PIGM: variants seen among roughly 807,000 people sequenced by gnomAD.
PIGM encodes the protein phosphatidylinositol glycan anchor biosynthesis class M, also known as GPI alpha-1,4-mannosyltransferase I, catalytic subunit.
PIGM carries 7 observed loss-of-function variants against 14.6 expected under a neutral mutation model. The observed-to-expected ratio is 0.48, with a 90% CI of 0.27 to 0.90. PIGM has a LOEUF of 0.90. Among genes scored for constraint, PIGM ranks in the 40% least tolerant of loss-of-function variants. PIGM has a pLI of 0.12. For synonymous variants in PIGM, 216 were observed against 215.9 expected, an observed-to-expected ratio of 1.00 and a Z score of 0.00; for missense variants, 506 against 516.2, an observed-to-expected ratio of 0.98 and a Z score of 0.19.
At position 160,031,567 on chromosome 1, in the gene PIGM, G is replaced by A. The variant is rs139166506; in HGVS notation, c.173C>T (p.Ala58Val). 2 of 1,614,104 alleles carry A rather than the reference G, an allele frequency of 1.2e-6. No homozygotes were observed. Among genetic ancestry groups the A allele is most frequent in the Non-Finnish European group, 1.7e-6 (2 of 1,180,046 alleles). Residue 58 changes from alanine to valine, a missense_variant, in exon 1 of 1, where the codon GCC becomes GTC. Coordinates refer to ENST00000368090, the MANE Select transcript of PIGM (RefSeq NM_145167.3). ...GCGCCCCTCCGTGACGAAGCGCGCGGCGTCGGTGAAGACCTGGTAGTCGAT... is the reference window on the plus strand; with the variant it reads ...GCGCCCCTCCGTGACGAAGCGCGCGACGTCGGTGAAGACCTGGTAGTCGAT... ...TDIDYQVFTD[A>V]ARFVTEGRSP...
Position 160,031,384 on chromosome 1 carries a change from A to C in PIGM, c.356T>G (p.Leu119Arg). 1 of 1,607,514 alleles carries C rather than the reference A, an allele frequency of 6.2e-7. No homozygotes were observed. The highest frequency in any genetic ancestry group is 8.5e-7 in the Non-Finnish European group (1 of 1,175,020). The change falls in exon 1 of 1, where the codon CTG (leucine) becomes CGG (arginine). Residue 119 changes from leucine (L) to arginine (R), a missense_variant. Leu to Arg is a moderately radical substitution (Grantham distance 102). Transcript: ENST00000368090. ...LLYRLLLLKG[L>R]GRRQACGYCV... ...GTAGCCACAAGCCTGGCGGCGCCCC[A>C]GCCCCTTCAGCAGCAGCAGGCGGTA...
rs148134581 is a variant in PIGM at position 160,031,609 on chromosome 1, T to C, written c.131A>G (p.His44Arg). The change falls in exon 1 of 1, where the codon CAC (histidine) becomes CGC (arginine). Residue 44 changes from histidine to arginine, a missense_variant. Coordinates refer to ENST00000368090, the MANE Select transcript of PIGM (RefSeq NM_145167.3). ...GTAGTCGATGTCCGTATACCTCACG[T>C]GCAGGGTCCGGTCCTGGAAGACGCC... ...FYGVFQDRTLHVRYTDIDYQV... is the reference protein window; with the variant it reads ...FYGVFQDRTLRVRYTDIDYQV... 3.7e-6 allele frequency: 6 copies of C among 1,613,946 alleles called. No individual in the cohort carries two copies. The highest frequency in any genetic ancestry group is 4.2e-6 in the Non-Finnish European group (5 of 1,180,022).
chr1:160,026,313 A>C lies in PIGM; in HGVS notation c.*4155T>G, dbSNP rs896646626. 14 of 152,238 alleles carry C rather than the reference A, an allele frequency of 9.2e-5. No individual in the cohort carries two copies. The highest frequency in any genetic ancestry group is 9.2e-4 in the Admixed American group (14 of 15,282). The allele number at this position is 152,238 out of a possible 1,614,324, so 9.4% of individuals were successfully genotyped here. On this transcript the variant is annotated 3_prime_UTR_variant, in exon 1 of 1. Coordinates refer to ENST00000368090, the MANE Select transcript of PIGM (RefSeq NM_145167.3). Reference sequence around the variant, plus strand: ...AAGATGTAACAAAAAACACCTGAAGAAATTTGAAAATGACAGAATGTTAAA... The same window carrying C: ...AAGATGTAACAAAAAACACCTGAAGCAATTTGAAAATGACAGAATGTTAAA...
At position 160,031,254 on chromosome 1, in the gene PIGM, C is replaced by A; in HGVS notation, c.486G>T (p.Lys162Asn). 1 of 1,614,156 alleles carries A rather than the reference C, an allele frequency of 6.2e-7. No individual in the cohort carries two copies. Among genetic ancestry groups the A allele is most frequent in the Non-Finnish European group, 8.5e-7 (1 of 1,180,030 alleles). The change falls in exon 1 of 1, where the codon AAG becomes AAT. Residue 162 changes from lysine to asparagine, a missense_variant. Physicochemically the swap from Lys to Asn is moderately conservative, Grantham distance 94 (BLOSUM62 0). Coordinates refer to ENST00000368090, the MANE Select transcript of PIGM (RefSeq NM_145167.3). ...SLVLMVLYLI[K>N]KRLVACAAVF... is the part of the protein sequence containing the mutation. ...CAGCTGCACACGCGACGAGTCTTTT[C>A]TTTATCAAGTAGAGGACCATCAGGA... is the stretch of plus-strand genomic sequence containing the variant.
chr1:160,028,333 G>A lies in PIGM; in HGVS notation c.*2135C>T, dbSNP rs1648230770. The A allele has an allele frequency of 6.6e-6, 1 of 151,860 alleles. No homozygotes were observed. Among genetic ancestry groups the A allele is most frequent in the Non-Finnish European group, 1.5e-5 (1 of 67,962 alleles). 9.4% of individuals were successfully genotyped at this position (151,860 alleles called of 1,614,324 possible). On this transcript the variant is annotated 3_prime_UTR_variant, in exon 1 of 1. Transcript: ENST00000368090. ...TAGAATAGGAAAAAAAGGTAAGAAT[G>A]CTATGGCTGGAAGGCCACTAGTAAA...
In PIGM at chr1:160,027,125, G is replaced by A. The variant is rs558773420; in HGVS notation, c.*3343C>T. 3 of 150,950 alleles carry A rather than the reference G, an allele frequency of 2.0e-5. No individual in the cohort carries two copies. Among genetic ancestry groups the A allele is most frequent in the East Asian group, 1.9e-4 (1 of 5,144 alleles). The allele number at this position is 150,950 out of a possible 1,614,324, so 9.4% of individuals were successfully genotyped here. On this transcript the variant is annotated 3_prime_UTR_variant, in exon 1 of 1. Transcript: ENST00000368090. The stretch of plus-strand genomic sequence containing the variant: ...ACCACCATGCCCAGCTCTTAAAATC[G>A]TTTATAATAAAACATGAGGGGTGGG...
At position 160,025,189 on chromosome 1, in the gene PIGM, C is replaced by T. The variant is rs1451037492; in HGVS notation, c.*5279G>A. The T allele has an allele frequency of 1.3e-5, 2 of 152,248 alleles. No homozygotes were observed. The highest frequency in any genetic ancestry group is 6.5e-5 in the Admixed American group (1 of 15,292). The allele number at this position is 152,248 out of a possible 1,614,324, so 9.4% of individuals were successfully genotyped here. ...TGCACACTTTGAGCATATCAACTCA[C>T]TTAATCCTTACCAACAATTCTATGA... On this transcript the variant is annotated 3_prime_UTR_variant, in exon 1 of 1. Transcript: ENST00000368090.
rs1234654430 is a variant in PIGM, at chr1:160,031,297, G to C, written c.443C>G (p.Ser148Cys). The change falls in exon 1 of 1, where the codon TCT (serine) becomes TGT (cysteine). Residue 148 changes from serine (S) to cysteine (C), a missense_variant. By Grantham distance (112) the Ser-to-Cys change is moderately radical (BLOSUM62 -1). Transcript: ENST00000368090. ...MAVSSRGNAD[S>C]IVASLVLMVL... Reference sequence around the variant, plus strand: ...CATCAGGACCAGGGAGGCGACAATAGAGTCCGCATTACCGCGGCTGGATAC... The same window carrying C: ...CATCAGGACCAGGGAGGCGACAATACAGTCCGCATTACCGCGGCTGGATAC... The C allele has an allele frequency of 1.9e-6, 3 of 1,613,990 alleles. No individual in the cohort carries two copies. The highest frequency in any genetic ancestry group is 2.2e-5 in the South Asian group (2 of 91,066).
Position 160,031,276 on chromosome 1 carries a change from A to C in PIGM, c.464T>G (p.Leu155Arg), listed in dbSNP as rs765851048. Residue 155 changes from leucine to arginine, a missense_variant, in exon 1 of 1, where the codon CTG becomes CGG. By Grantham distance (102) the Leu-to-Arg change is moderately radical. Transcript: ENST00000368090. ...NADSIVASLVLMVLYLIKKRL... is the reference protein window; with the variant it reads ...NADSIVASLVRMVLYLIKKRL... ...TTTCTTTATCAAGTAGAGGACCATC[A>C]GGACCAGGGAGGCGACAATAGAGTC... The C allele has an allele frequency of 1.9e-6, 3 of 1,614,168 alleles. No individual in the cohort carries two copies. The highest frequency in any genetic ancestry group is 2.5e-6 in the Non-Finnish European group (3 of 1,180,030).
At position 160,031,480 on chromosome 1, in the gene PIGM, T is replaced by C. The variant is rs774136211; in HGVS notation, c.260A>G (p.Asn87Ser). 11 of 1,613,712 alleles carry C rather than the reference T, an allele frequency of 6.8e-6. No homozygotes were observed. Among genetic ancestry groups the C allele is most frequent in the Non-Finnish European group, 7.6e-6 (9 of 1,179,858 alleles). The change falls in exon 1 of 1, where the codon AAC becomes AGC. Residue 87 changes from asparagine (N) to serine (S), a missense_variant. Asn to Ser is a conservative substitution (Grantham distance 46). Coordinates refer to ENST00000368090, the MANE Select transcript of PIGM (RefSeq NM_145167.3). ...TPLLGWLLTP[N>S]IYLSELFGKF... ...TCCAAAGAGCTCGCTGAGGTAGATG[T>C]TGGGAGTGAGGAGCCAACCCAGCAG... is the stretch of plus-strand genomic sequence containing the variant.
rs1229146341 is a variant in PIGM, at chr1:160,027,969, T to G, written c.*2499A>C. On this transcript the variant is annotated 3_prime_UTR_variant, in exon 1 of 1. Transcript: ENST00000368090. Reference sequence around the variant, plus strand: ...CTCCAACGATCCCAGCAGAAATGTTTCTAACTTCTAAGAATGTCCTAAGAG... The same window carrying G: ...CTCCAACGATCCCAGCAGAAATGTTGCTAACTTCTAAGAATGTCCTAAGAG... 1 of 152,220 alleles carries G rather than the reference T, an allele frequency of 6.6e-6. No individual in the cohort carries two copies. The highest frequency in any genetic ancestry group is 1.5e-5 in the Non-Finnish European group (1 of 68,038). 9.4% of individuals were successfully genotyped at this position (152,220 alleles called of 1,614,324 possible). A position where few individuals can be genotyped will look rare whatever the true frequency, so the allele number is the denominator to read the frequency against.
rs1280790306 is a variant in PIGM, at chr1:160,031,568, C to A, written c.172G>T (p.Ala58Ser). 6.2e-7 allele frequency: 1 copy of A among 1,614,176 alleles called. No individual in the cohort carries two copies. The highest frequency in any genetic ancestry group is 1.1e-5 in the South Asian group (1 of 91,078). Residue 58 changes from alanine (A) to serine (S), a missense_variant, in exon 1 of 1, where the codon GCC becomes TCC. Physicochemically the swap from Ala to Ser is moderately conservative, Grantham distance 99. Coordinates refer to ENST00000368090, the MANE Select transcript of PIGM (RefSeq NM_145167.3). Reference sequence around the variant, plus strand: ...CGCCCCTCCGTGACGAAGCGCGCGGCGTCGGTGAAGACCTGGTAGTCGATG... The same window carrying A: ...CGCCCCTCCGTGACGAAGCGCGCGGAGTCGGTGAAGACCTGGTAGTCGATG... ...TDIDYQVFTD[A>S]ARFVTEGRSP...
In PIGM at chr1:160,031,255, T is replaced by A; in HGVS notation, c.485A>T (p.Lys162Met). Residue 162 changes from lysine (K) to methionine (M), a missense_variant, in exon 1 of 1, where the codon AAG becomes ATG. By Grantham distance (95) the Lys-to-Met change is moderately conservative. Transcript: ENST00000368090. Reference sequence around the variant, plus strand: ...AGCTGCACACGCGACGAGTCTTTTCTTTATCAAGTAGAGGACCATCAGGAC... The same window carrying A: ...AGCTGCACACGCGACGAGTCTTTTCATTATCAAGTAGAGGACCATCAGGAC... ...SLVLMVLYLI[K>M]KRLVACAAVF... 6.2e-7 allele frequency: 1 copy of A among 1,614,164 alleles called. No homozygotes were observed. Among genetic ancestry groups the A allele is most frequent in the Non-Finnish European group, 8.5e-7 (1 of 1,180,034 alleles).
Position 160,030,545 on chromosome 1 carries a change from TAAG to T in PIGM, c.1192_1194del (p.Leu398del), listed in dbSNP as rs1273685344. 1 of 1,613,956 alleles carries T rather than the reference TAAG, an allele frequency of 6.2e-7. No individual in the cohort carries two copies. The highest frequency in any genetic ancestry group is 8.5e-7 in the Non-Finnish European group (1 of 1,179,818). On this transcript the variant is annotated inframe_deletion, in exon 1 of 1. Transcript: ENST00000368090. ...ATTTGAATCAGGATGGAACAATTGA[TAAG>T]AAGAAAGAACAAACCAGCTAACCAA... is the stretch of plus-strand genomic sequence containing the variant.
rs1261910699 is a variant in PIGM, at chr1:160,029,071, T to C, written c.*1397A>G. On this transcript the variant is annotated 3_prime_UTR_variant, in exon 1 of 1. Coordinates refer to ENST00000368090, the MANE Select transcript of PIGM (RefSeq NM_145167.3). ...TTGTTTTATCACCTAAAATCTACTATTATCCATTTTTACAACATAGATAAC... is the reference window on the plus strand; with the variant it reads ...TTGTTTTATCACCTAAAATCTACTACTATCCATTTTTACAACATAGATAAC... The C allele has an allele frequency of 1.3e-5, 2 of 152,228 alleles. No individual in the cohort carries two copies. Among genetic ancestry groups the C allele is most frequent in the East Asian group, 1.9e-4 (1 of 5,202 alleles). 9.4% of individuals were successfully genotyped at this position (152,228 alleles called of 1,614,324 possible).
chr1:160,028,888 C>T lies in PIGM; in HGVS notation c.*1580G>A, dbSNP rs955905438. The T allele has an allele frequency of 6.6e-6, 1 of 152,156 alleles. No individual in the cohort carries two copies. The highest frequency in any genetic ancestry group is 1.5e-5 in the Non-Finnish European group (1 of 68,024). 9.4% of individuals were successfully genotyped at this position (152,156 alleles called of 1,614,324 possible). ...AGGGAAACGATCTGACCACCTAAGC[C>T]TCAGTTCCACAATCTCCCTCTAAAT... On this transcript the variant is annotated 3_prime_UTR_variant, in exon 1 of 1. Coordinates refer to ENST00000368090, the MANE Select transcript of PIGM (RefSeq NM_145167.3).
rs1036258811 is a variant in PIGM at position 160,026,821 on chromosome 1, G to C, written c.*3647C>G. On this transcript the variant is annotated 3_prime_UTR_variant, in exon 1 of 1. Transcript: ENST00000368090. ...AGCCTGGGTGACAAAGCAACATCTTGTCTCAGAAAAATAAAAAAATAAAAT... is the reference window on the plus strand; with the variant it reads ...AGCCTGGGTGACAAAGCAACATCTTCTCTCAGAAAAATAAAAAAATAAAAT... The C allele has an allele frequency of 6.6e-6, 1 of 151,846 alleles. No homozygotes were observed. Among genetic ancestry groups the C allele is most frequent in the Non-Finnish European group, 1.5e-5 (1 of 67,968 alleles). The allele number at this position is 151,846 out of a possible 1,614,324, so 9.4% of individuals were successfully genotyped here.
rs772665564 is a variant in PIGM, at chr1:160,031,302, C to T, written c.438G>A (p.Ala146=). Residue 146 remains alanine, a synonymous_variant, in exon 1 of 1, where the codon GCG becomes GCA. Coordinates refer to ENST00000368090, the MANE Select transcript of PIGM (RefSeq NM_145167.3). ...LPMAVSSRGN[A]DSIVASLVLM... ...GGACCAGGGAGGCGACAATAGAGTC[C>T]GCATTACCGCGGCTGGATACTGCCA... 3.7e-6 allele frequency: 6 copies of T among 1,613,756 alleles called. No individual in the cohort carries two copies. The highest frequency in any genetic ancestry group is 2.2e-5 in the South Asian group (2 of 91,038).
rs1260428078 is a variant in PIGM, at chr1:160,028,687, T to C, written c.*1781A>G. The C allele has an allele frequency of 6.6e-6, 1 of 152,164 alleles. No homozygotes were observed. Among genetic ancestry groups the C allele is most frequent in the Non-Finnish European group, 1.5e-5 (1 of 68,018 alleles). The allele number at this position is 152,164 out of a possible 1,614,324, so 9.4% of individuals were successfully genotyped here. On this transcript the variant is annotated 3_prime_UTR_variant, in exon 1 of 1. Coordinates refer to ENST00000368090, the MANE Select transcript of PIGM (RefSeq NM_145167.3). ...GTGTTTTCTGACTGCAAAAGAACAG[T>C]TCATCAAATTACTTATCTTTTAAAA...
Sources: gnomAD v4.1 joint callset for allele counts on GRCh38, gnomAD v4.1.1 for gene constraint, MANE v1.5 for transcripts, NCBI Gene and HGNC (gene_info 2026-07-23, HGNC 2026-07-21) for gene names.